DIAPH2: variants seen among roughly 807,000 people sequenced by gnomAD.
DIAPH2 encodes protein diaphanous homolog 2.
Under a neutral mutation model 92.7 loss-of-function variants are expected in DIAPH2, and 35 were observed. That is an observed-to-expected ratio of 0.38 (90% CI 0.29 to 0.50). The LOEUF is 0.50. DIAPH2 is among the 20% of genes least tolerant of loss of function. The pLI, the probability that DIAPH2 is intolerant of heterozygous loss-of-function variation, is 0.94. For missense variants in DIAPH2, 701 were observed against 819.5 expected (o/e 0.86, Z 1.77); for synonymous variants, 301 against 280.4 (o/e 1.07, Z -0.73).
intron 26 of DIAPH2, among the ~76,000 whole-genome samples, chrX:97,473,590 C>T (rs1278851627): frequency 4.5e-5 from 5 of 111,963 alleles, no homozygotes; most frequent in African/African-American, 6.5e-5. Context: ...CCGCCTTGGC[C>T]TCCCAAAGTG....
At chrX:96,839,070 A>G (rs73250753) in intron 4 of DIAPH2, among the ~76,000 whole-genome samples, 6,337 of 111,375 alleles carry the variant, frequency 0.057, 204 homozygotes, top group Middle Eastern at 0.16. Flanking sequence ...TATATCATAT[A>G]TAGTGTCAGA....
intron 17 of DIAPH2, among the ~76,000 whole-genome samples, chrX:96,989,378 G>A (rs1400261142): frequency 1.8e-5 from 2 of 111,671 alleles, no homozygotes; most frequent in Non-Finnish European, 3.8e-5. Context: ...GAGTGGAATT[G>A]GTAAAGTAAT....
intron 17 of DIAPH2, among the ~76,000 whole-genome samples, chrX:97,052,561 C>A (rs748905526): frequency 4.4e-4 from 48 of 110,342 alleles, no homozygotes; most frequent in Non-Finnish European, 7.8e-4. Context: ...CAGACAGGAG[C>A]AGAGCTGTAT....
At chrX:96,900,853 G>C (rs2065388424) in intron 5 of DIAPH2, among the ~76,000 whole-genome samples, 1 of 111,974 alleles carries the variant, frequency 8.9e-6, no homozygotes, top group African/African-American at 3.2e-5. Flanking sequence ...TATGCTGTTG[G>C]ATTCAGTTAG....
intron 4 of DIAPH2, among the ~76,000 whole-genome samples, chrX:96,828,577 T>C (rs1053960130): frequency 8.9e-6 from 1 of 112,096 alleles, no homozygotes; most frequent in African/African-American, 3.2e-5. Flanking sequence ...GGTAGAAAAA[T>C]TAATTACCTT....
chrX:96,934,549 CATA>C lies in DIAPH2; in HGVS notation c.1090-2678_1090-2676del, dbSNP rs935399491. On this transcript the variant is annotated intron_variant, in intron 10 of 26. Coordinates refer to ENST00000324765, the MANE Select transcript of DIAPH2 (RefSeq NM_006729.5). ...ACTGTAGTAGAGTGAAACTTTTTTT[CATA>C]ATAATTATCAGAATCTTCAAGACAA... Among the ~76,000 whole-genome samples the C allele has an allele frequency of 8.1e-5, 9 of 111,175 alleles. 1 individual carries two copies. The highest frequency in any genetic ancestry group is 1.3e-4 in the Non-Finnish European group (7 of 52,938).
intron 3 of DIAPH2, among the ~76,000 whole-genome samples, chrX:96,753,186 G>T (rs906382099): frequency 8.9e-6 from 1 of 111,841 alleles, no homozygotes; most frequent in African/African-American, 3.3e-5. Context: ...CTACTTGGAG[G>T]TTGCGGATTG....
chrX:97,177,724 AAAC>A lies in DIAPH2; in HGVS notation c.2719+35933_2719+35935del, dbSNP rs1308328453. 4.2e-3 allele frequency among the ~76,000 whole-genome samples: 460 copies of A among 109,599 alleles called. 5 individuals carry two copies. The highest frequency in any genetic ancestry group is 0.014 in the African/African-American group (431 of 30,207). On this transcript the variant is annotated intron_variant, in intron 22 of 26. Transcript: ENST00000324765. ...AAAGCCTACTTAAAAAAAAAAAAAA[AAAC>A]AAAAACCCTGCTAATTGGCTTTTCT... is the stretch of plus-strand genomic sequence containing the variant.
intron 23 of DIAPH2, among the ~76,000 whole-genome samples, chrX:97,310,730 G>A (rs1222946341): frequency 9.0e-6 from 1 of 111,602 alleles, no homozygotes; most frequent in African/African-American, 3.3e-5. Flanking sequence ...TCTGCCGGGT[G>A]TGGTGGGGTG....
At chrX:97,563,385 T>C (rs1158490706) in intron 26 of DIAPH2, among the ~76,000 whole-genome samples, 1 of 107,759 alleles carries the variant, frequency 9.3e-6, no homozygotes, top group Non-Finnish European at 1.9e-5. Flanking sequence ...GCTTATGTTA[T>C]TTACTTTTCA....
intron 9 of DIAPH2, among the ~76,000 whole-genome samples, chrX:96,926,503 A>G (rs181627875): frequency 1.3e-3 from 140 of 111,408 alleles, no homozygotes; most frequent in Admixed American, 2.2e-3. Flanking sequence ...CACCCTTTAT[A>G]CCATACCACC....
intron 22 of DIAPH2, among the ~76,000 whole-genome samples, chrX:97,225,813 A>G (rs899026790): frequency 1.8e-5 from 2 of 112,213 alleles, no homozygotes; most frequent in Admixed American, 9.5e-5. Flanking sequence ...TCTGTTGTAA[A>G]TATTATGTTA....
intron 19 of DIAPH2, chrX:97,081,833 A>C (rs1276065381): frequency 1.1e-5 from 1 of 88,333 alleles, no homozygotes; most frequent in African/African-American, 4.4e-5. Context: ...AAAAAAGAAA[A>C]AAAAAATTGG....
rs1248900762 is a variant in DIAPH2 at position 96,888,577 on chromosome X, A to ATATCTATATG, written c.587+6868_587+6869insGTATCTATAT. On this transcript the variant is annotated intron_variant, in intron 5 of 26. Coordinates refer to ENST00000324765, the MANE Select transcript of DIAPH2 (RefSeq NM_006729.5). ...TATCTATATATATACACAGATATATATATCTATATATATACAGATATATAT... is the reference window on the plus strand; with the variant it reads ...TATCTATATATATACACAGATATATATATCTATATGTATCTATATATATACAGATATATAT... 1.5e-4 allele frequency among the ~76,000 whole-genome samples: 15 copies of ATATCTATATG among 96,998 alleles called. 1 individual carries two copies. Among genetic ancestry groups the ATATCTATATG allele is most frequent in the African/African-American group, 5.4e-4 (14 of 25,889 alleles). 84.2% of individuals were successfully genotyped at this position (96,998 alleles called of 115,157 possible).
chrX:96,938,687 G>T (rs1378754464), intron 11 of DIAPH2, among the ~76,000 whole-genome samples: 1 of 111,872 alleles, frequency 8.9e-6, no homozygotes, highest in Non-Finnish European at 1.9e-5. Context: ...TTTACTAAAA[G>T]CATCTAAATT....
At chrX:97,598,249 A>G (rs2147889957) in intron 26 of DIAPH2, among the ~76,000 whole-genome samples, 1 of 111,933 alleles carries the variant, frequency 8.9e-6, no homozygotes, top group South Asian at 3.7e-4. Flanking sequence ...TTGCATTATA[A>G]TCCCCCATCA....
chrX:97,157,331 TAATATAATAATA>T (rs1319009796), intron 22 of DIAPH2, among the ~76,000 whole-genome samples: 1 of 57,617 alleles, frequency 1.7e-5, no homozygotes, highest in Non-Finnish European at 3.7e-5. Context: ...ATAATAATAA[TAATATAATAATA>T]ATAATAATAA....
intron 17 of DIAPH2, among the ~76,000 whole-genome samples, chrX:97,038,039 C>T (rs928549063): frequency 1.8e-5 from 2 of 111,043 alleles, no homozygotes; most frequent in Admixed American, 1.9e-4. Context: ...TCTCCAGTGT[C>T]GATTATCCCA....
In DIAPH2 at chrX:97,185,439, A is replaced by G. The variant is rs1382409432; in HGVS notation, c.2719+43645A>G. Among the ~76,000 whole-genome samples, 7 of 54,417 alleles carry G rather than the reference A, an allele frequency of 1.3e-4. 2 individuals are homozygous for G. Among genetic ancestry groups the G allele is most frequent in the South Asian group, 1.7e-3 (2 of 1,206 alleles). 47.3% of individuals were successfully genotyped at this position (54,417 alleles called of 115,157 possible). The stretch of plus-strand genomic sequence containing the variant: ...TATATATATGTATATATATATGTGT[A>G]TATATATATGTGTGTGTATATATAT... On this transcript the variant is annotated intron_variant, in intron 22 of 26. Coordinates refer to ENST00000324765, the MANE Select transcript of DIAPH2 (RefSeq NM_006729.5).
Sources: gnomAD v4.1 joint callset for allele counts (sites outside exome capture counted in the v4.1 genomes callset) on GRCh38, gnomAD v4.1.1 for gene constraint, MANE v1.5 for transcripts, NCBI Gene and HGNC (gene_info 2026-07-23, HGNC 2026-07-21) for gene names.